TNR: variants seen among roughly 807,000 people sequenced by gnomAD.
TNR encodes tenascin R.
TNR carries 45 observed loss-of-function variants against 150.4 expected under a neutral mutation model. The ratio of observed to expected loss-of-function variants is 0.30; its 90% confidence interval spans 0.24 to 0.38. The LOEUF (loss-of-function observed/expected upper bound fraction) is 0.38. Among genes scored for constraint, TNR ranks in the 10% least tolerant of loss-of-function variants. The probability of loss-of-function intolerance (pLI) is 1.00; values close to 1 mark genes in which losing one functional copy is unlikely to be tolerated. For missense variants in TNR, 1,544 were observed against 1,759.1 expected (o/e 0.88, Z 2.19); for synonymous variants, 687 against 678.4 (o/e 1.01, Z -0.20).
intron 2 of TNR, among the ~76,000 whole-genome samples, chr1:175,440,388 G>A (rs549968699): frequency 2.0e-5 from 3 of 149,604 alleles, no homozygotes; most frequent in African/African-American, 4.9e-5. Flanking sequence ...GGTGGCGGGT[G>A]GGGGGAGGGA....
intron 2 of TNR, among the ~76,000 whole-genome samples, chr1:175,436,898 A>T (rs1385568923): frequency 1.3e-5 from 2 of 152,358 alleles, no homozygotes; most frequent in African/African-American, 4.8e-5. Context: ...TTAGTGACCT[A>T]CAAAGAGACT....
chr1:175,443,438 C>T (rs1214661779), intron 2 of TNR, among the ~76,000 whole-genome samples: 1 of 152,178 alleles, frequency 6.6e-6, no homozygotes, highest in Non-Finnish European at 1.5e-5. Context: ...ACCCCAGGCT[C>T]CCAGGCCAGT....
chr1:175,647,583 G>A (rs528406331), intron 1 of TNR, among the ~76,000 whole-genome samples: 10 of 152,230 alleles, frequency 6.6e-5, no homozygotes, highest in East Asian at 1.9e-4. Context: ...TACCAAGCAC[G>A]GGAAGGAGAT....
At chr1:175,370,338 CTTTTTTTTTTT>C (rs55795922) in intron 9 of TNR, among the ~76,000 whole-genome samples, 29 of 42,972 alleles carry the variant, frequency 6.7e-4, no homozygotes, top group East Asian at 2.0e-3. Context: ...ATTTTGAGTA[CTTTTTTTTTTT>C]TTTTTTTTTT....
chr1:175,418,762 G>A (rs1195441851), intron 2 of TNR, among the ~76,000 whole-genome samples: 3 of 152,086 alleles, frequency 2.0e-5, no homozygotes, highest in South Asian at 2.1e-4. Context: ...TAGAGAATGA[G>A]GGGAGTCATG....
intron 1 of TNR, among the ~76,000 whole-genome samples, chr1:175,664,349 G>A (rs1047466839): frequency 6.6e-6 from 1 of 152,194 alleles, no homozygotes; most frequent in East Asian, 1.9e-4. Flanking sequence ...GAGCAGAGTA[G>A]AGGGGCCTCT....
At chr1:175,348,109 T>C (rs1276262329) in intron 18 of TNR, among the ~76,000 whole-genome samples, 1 of 152,128 alleles carries the variant, frequency 6.6e-6, no homozygotes, top group Non-Finnish European at 1.5e-5. Context: ...TCTACATTGG[T>C]AATAACCAAC....
chr1:175,676,785 T>C (rs1461488856), intron 1 of TNR, among the ~76,000 whole-genome samples: 1 of 152,202 alleles, frequency 6.6e-6, no homozygotes, highest in African/African-American at 2.4e-5. Flanking sequence ...AACTCTTGAA[T>C]ACAAATGCCA....
chr1:175,363,645 C>T lies in TNR; in HGVS notation c.2707+63G>A, dbSNP rs116801210. 3.7e-3 allele frequency: 5,785 copies of T among 1,571,228 alleles called. 11 individuals are homozygous for T. Among genetic ancestry groups the T allele is most frequent in the Middle Eastern group, 9.7e-3 (55 of 5,694 alleles). ...AGGAGTGGATGTTCTGCGGGATATG[C>T]TAGTTCTCCCATAATCTTCACCCAA... On this transcript the variant is annotated intron_variant, in intron 13 of 22. Coordinates refer to ENST00000367674, the MANE Select transcript of TNR (RefSeq NM_003285.3).
At chr1:175,611,935 C>G (rs1196617910) in intron 1 of TNR, among the ~76,000 whole-genome samples, 1 of 152,128 alleles carries the variant, frequency 6.6e-6, no homozygotes, top group Non-Finnish European at 1.5e-5. Context: ...AAACAAAGAA[C>G]CGACAAGTAA....
intron 2 of TNR, among the ~76,000 whole-genome samples, chr1:175,512,865 C>T (rs1659247113): frequency 6.6e-6 from 1 of 152,130 alleles, no homozygotes; most frequent in Non-Finnish European, 1.5e-5. Context: ...ACACACTTCC[C>T]CTTTTAGGTA....
chr1:175,702,001 G>A (rs1351454304), intron 1 of TNR, among the ~76,000 whole-genome samples: 1 of 152,170 alleles, frequency 6.6e-6, no homozygotes, highest in African/African-American at 2.4e-5. Flanking sequence ...TAACACAATA[G>A]ATGCTGAATC....
chr1:175,653,119 A>T (rs909932366), intron 1 of TNR, among the ~76,000 whole-genome samples: 24 of 152,226 alleles, frequency 1.6e-4, no homozygotes, highest in Admixed American at 3.3e-4. Flanking sequence ...CATTGAAATG[A>T]TGTACATGAA....
At chr1:175,625,539 C>T (rs1162560568) in intron 1 of TNR, among the ~76,000 whole-genome samples, 1 of 152,242 alleles carries the variant, frequency 6.6e-6, no homozygotes, top group African/African-American at 2.4e-5. Flanking sequence ...ACTGGCTCAG[C>T]CAGGCCTGTG....
intron 2 of TNR, among the ~76,000 whole-genome samples, chr1:175,518,689 C>T (rs1462143653): frequency 6.6e-6 from 1 of 152,172 alleles, no homozygotes; most frequent in East Asian, 1.9e-4. Context: ...GTCATCACCT[C>T]ATTATAACTC....
intron 2 of TNR, among the ~76,000 whole-genome samples, chr1:175,513,052 T>G (rs1659255171): frequency 6.6e-6 from 1 of 152,194 alleles, no homozygotes; most frequent in Non-Finnish European, 1.5e-5. Flanking sequence ...CTGAATCGCC[T>G]AGGGTAAGGG....
Position 175,393,866 on chromosome 1 carries a change from T to C in TNR, c.1270A>G (p.Lys424Glu). 1 of 1,614,170 alleles carries C rather than the reference T, an allele frequency of 6.2e-7. No individual in the cohort carries two copies. Among genetic ancestry groups the C allele is most frequent in the Non-Finnish European group, 8.5e-7 (1 of 1,180,008 alleles). The change falls in exon 6 of 23, where the codon AAG (lysine) becomes GAG (glutamate). Residue 424 changes from lysine (K) to glutamate (E), a missense_variant. Physicochemically the swap from Lys to Glu is moderately conservative, Grantham distance 56. This residue lies in a region of TNR where 1,254 missense variants were observed against 1,329.4 expected (regional missense o/e 0.94). Transcript: ENST00000367674. ...TCCACGGTGGTCTCTGTGATCGTCTTAAATTGTAGCCCTTGAGGAGTGGAG... is the reference window on the plus strand; with the variant it reads ...TCCACGGTGGTCTCTGTGATCGTCTCAAATTGTAGCCCTTGAGGAGTGGAG... ...HLSTPQGLQF[K>E]TITETTVEVQ...
intron 2 of TNR, among the ~76,000 whole-genome samples, chr1:175,489,607 C>T (rs1048567253): frequency 1.3e-5 from 2 of 152,102 alleles, no homozygotes; most frequent in Non-Finnish European, 2.9e-5. Flanking sequence ...CACTAGGGCT[C>T]ATGGGAGGAA....
At chr1:175,409,191 GT>G (rs1261312136) in intron 2 of TNR, among the ~76,000 whole-genome samples, 4 of 152,164 alleles carry the variant, frequency 2.6e-5, no homozygotes, top group Non-Finnish European at 2.9e-5. Flanking sequence ...CACAGACGGG[GT>G]CTTGGCTATC....
Sources: allele counts gnomAD v4.1 joint callset (sites outside exome capture counted in the v4.1 genomes callset), GRCh38; gene constraint gnomAD v4.1.1; regional missense constraint gnomAD v4.1.1; transcripts MANE v1.5; gene names NCBI Gene and HGNC (gene_info 2026-07-23, HGNC 2026-07-21).